Variants in MSRA observed in about 807,000 individuals in gnomAD.
MSRA encodes the protein mitochondrial peptide methionine sulfoxide reductase.
In MSRA, 54 loss-of-function variants were observed where a neutral mutation model predicts 31.3. The observed-to-expected ratio is 1.73, with a 90% CI of 1.39 to 2.17. The LOEUF (loss-of-function observed/expected upper bound fraction) is 2.17. MSRA is among the 30% of genes most tolerant of loss of function. The pLI is 0.00. For synonymous variants in MSRA, 169 were observed against 116.5 expected (o/e 1.45, Z -2.90); for missense variants, 507 against 300.9 (o/e 1.69, Z -5.07).
intron 1 of MSRA, among the ~76,000 whole-genome samples, chr8:10,158,961 A>G (rs13439261): frequency 2.5e-3 from 376 of 152,208 alleles, no homozygotes; most frequent in African/African-American, 8.8e-3. Context: ...TTTGATTTGT[A>G]TTTCACCAAT....
intron 4 of MSRA, among the ~76,000 whole-genome samples, chr8:10,303,728 G>T (rs1050147121): frequency 6.6e-6 from 1 of 152,180 alleles, no homozygotes; most frequent in Non-Finnish European, 1.5e-5. Flanking sequence ...AGGTAAGGAA[G>T]GGCAGGGGAT....
In MSRA at chr8:10,335,709, C is replaced by A. The variant is rs781590081; in HGVS notation, c.543+15720C>A. Among the ~76,000 whole-genome samples, 15 of 152,190 alleles carry A rather than the reference C, an allele frequency of 9.9e-5. No homozygotes were observed. In the South Asian group the frequency reaches 1.2e-3, roughly 13 times the overall value. On this transcript the variant is annotated intron_variant, in intron 5 of 5. Transcript: ENST00000317173. Reference sequence around the variant, plus strand: ...AAAGAGAGCCAGCCACACCCAGAGCCTTCAATCCCCAGAGGGAGGGCACCC... The same window carrying A: ...AAAGAGAGCCAGCCACACCCAGAGCATTCAATCCCCAGAGGGAGGGCACCC...
At chr8:10,061,993 C>T (rs761170091) in intron 1 of MSRA, among the ~76,000 whole-genome samples, 3 of 152,064 alleles carry the variant, frequency 2.0e-5, no homozygotes, top group African/African-American at 2.4e-5. Context: ...TGAGCCCCTG[C>T]GTTGGGTGGG....
chr8:10,169,831 A>T (rs575595831), intron 1 of MSRA, among the ~76,000 whole-genome samples: 2 of 151,420 alleles, frequency 1.3e-5, no homozygotes, highest in South Asian at 2.1e-4. Context: ...TAAGTTTTGT[A>T]TGTTGACCTT....
intron 3 of MSRA, among the ~76,000 whole-genome samples, chr8:10,286,923 G>A (rs1325935273): frequency 6.6e-6 from 1 of 152,204 alleles, no homozygotes; most frequent in African/African-American, 2.4e-5. Flanking sequence ...TACCTTTTTG[G>A]CGTTTTTATT....
intron 1 of MSRA, among the ~76,000 whole-genome samples, chr8:10,062,712 C>T (rs1797267981): frequency 6.6e-6 from 1 of 152,150 alleles, no homozygotes; most frequent in Non-Finnish European, 1.5e-5. Context: ...GGGCTCCGGC[C>T]TACATTTGTG....
At chr8:10,069,982 G>A (rs1190387342) in intron 1 of MSRA, among the ~76,000 whole-genome samples, 2 of 152,184 alleles carry the variant, frequency 1.3e-5, no homozygotes, top group African/African-American at 2.4e-5. Context: ...ACAGCACGTG[G>A]TATGTATATG....
At chr8:10,243,492 C>T (rs953023977) in intron 2 of MSRA, among the ~76,000 whole-genome samples, 14 of 152,126 alleles carry the variant, frequency 9.2e-5, no homozygotes, top group African/African-American at 3.4e-4. Context: ...TATTTATATT[C>T]ACTAGCAGCA....
chr8:10,076,886 C>T (rs1157396958), intron 1 of MSRA, among the ~76,000 whole-genome samples: 1 of 151,656 alleles, frequency 6.6e-6, no homozygotes, highest in African/African-American at 2.4e-5. Context: ...GAAGAGCATA[C>T]ACTGGGGCCG....
intron 4 of MSRA, among the ~76,000 whole-genome samples, chr8:10,304,873 T>C (rs774800313): frequency 6.6e-6 from 1 of 152,198 alleles, no homozygotes; most frequent in Non-Finnish European, 1.5e-5. Flanking sequence ...TGTGAGGCAG[T>C]AGTCCACTCC....
intron 1 of MSRA, among the ~76,000 whole-genome samples, chr8:10,057,046 A>G (rs1363658556): frequency 6.6e-6 from 1 of 152,200 alleles, no homozygotes; most frequent in Non-Finnish European, 1.5e-5. Context: ...CCTTTTACAC[A>G]CTGTGACCAA....
chr8:10,310,431 G>A (rs894639184), intron 4 of MSRA, among the ~76,000 whole-genome samples: 4 of 152,116 alleles, frequency 2.6e-5, no homozygotes, highest in African/African-American at 9.7e-5. Context: ...TTTGCTGTTT[G>A]CAAAAGTGTT....
At position 10,233,418 on chromosome 8, in the gene MSRA, C is replaced by G. The variant is rs527563415; in HGVS notation, c.212-11686C>G. 3.3e-5 allele frequency among the ~76,000 whole-genome samples: 5 copies of G among 152,058 alleles called. No homozygotes were observed. The East Asian group carries it at 5.8e-4, about 18-fold the overall frequency. ...ATTGACTCGAGTTAATTTTTTATAA[C>G]AAACAAAAGCATTTTAAAATGTGTG... is the stretch of plus-strand genomic sequence containing the variant. On this transcript the variant is annotated intron_variant, in intron 2 of 5. Transcript: ENST00000317173.
intron 5 of MSRA, among the ~76,000 whole-genome samples, chr8:10,411,799 G>T (rs1808174655): frequency 6.6e-6 from 1 of 152,252 alleles, no homozygotes; most frequent in African/African-American, 2.4e-5. Context: ...TTAAGCTGCT[G>T]TTGAAAGTTA....
chr8:10,244,762 A>G (rs373700271), intron 2 of MSRA, among the ~76,000 whole-genome samples: 3 of 152,200 alleles, frequency 2.0e-5, no homozygotes, highest in African/African-American at 7.2e-5. Context: ...TAAATTTTCT[A>G]TTGATTCAAG....
intron 3 of MSRA, among the ~76,000 whole-genome samples, chr8:10,294,271 C>T (rs773101790): frequency 1.3e-5 from 2 of 152,142 alleles, no homozygotes; most frequent in African/African-American, 2.4e-5. Flanking sequence ...GATTCCCTGA[C>T]CAAGGACATT....
Position 10,076,334 on chromosome 8 carries a change from C to T in MSRA, c.142+21676C>T, listed in dbSNP as rs944343463. 3.3e-5 allele frequency among the ~76,000 whole-genome samples: 5 copies of T among 152,344 alleles called. No individual in the cohort carries two copies. In the South Asian group the frequency reaches 6.2e-4, roughly 19 times the overall value. ...CTGATGGCTACGTGACATCACCACA[C>T]TCCCTGCAAGAGCTGCGGTGTATGG... On this transcript the variant is annotated intron_variant, in intron 1 of 5. Coordinates refer to ENST00000317173, the MANE Select transcript of MSRA (RefSeq NM_012331.5).
intron 3 of MSRA, among the ~76,000 whole-genome samples, chr8:10,263,215 A>G (rs1314294527): frequency 6.6e-6 from 1 of 152,168 alleles, no homozygotes; most frequent in Non-Finnish European, 1.5e-5. Context: ...GTCACCCCCA[A>G]ACGAAGTTGC....
chr8:10,256,909 G>A (rs1283532468), intron 3 of MSRA, among the ~76,000 whole-genome samples: 1 of 152,142 alleles, frequency 6.6e-6, no homozygotes, highest in African/African-American at 2.4e-5. Context: ...CTACCAAGGT[G>A]GGTCCAGAAG....
Sources: gnomAD v4.1 joint callset for allele counts (sites outside exome capture counted in the v4.1 genomes callset) on GRCh38, gnomAD v4.1.1 for gene constraint, MANE v1.5 for transcripts, NCBI Gene and HGNC (gene_info 2026-07-23, HGNC 2026-07-21) for gene names.